Variants in CNTNAP2 observed in about 807,000 individuals in gnomAD.
CNTNAP2 encodes contactin-associated protein-like 2.
A neutral mutation model predicts 155.2 loss-of-function variants in CNTNAP2; 98 were observed. The ratio of observed to expected loss-of-function variants is 0.63; its 90% CI spans 0.54 to 0.75. The LOEUF is 0.75. CNTNAP2 is among the 30% of genes least tolerant of loss of function. The pLI is 0.00. For synonymous variants in CNTNAP2, 651 were observed against 631.2 expected (o/e 1.03, Z -0.47); for missense variants, 1,727 against 1,688.1 (o/e 1.02, Z -0.40).
intron 16 of CNTNAP2, among the ~76,000 whole-genome samples, chr7:148,134,558 T>G (rs1040835756): frequency 1.5e-4 from 23 of 152,206 alleles, no homozygotes; most frequent in Non-Finnish European, 2.6e-4. Context: ...CTTCTCAAGT[T>G]TCTAAAAATA....
intron 3 of CNTNAP2, among the ~76,000 whole-genome samples, chr7:146,842,134 G>C (rs1803739855): frequency 6.6e-6 from 1 of 152,038 alleles, no homozygotes; most frequent in Non-Finnish European, 1.5e-5. Flanking sequence ...TGATCTACTT[G>C]CCTTGGCCTC....
intron 1 of CNTNAP2, among the ~76,000 whole-genome samples, chr7:146,404,080 C>A (rs1362066162): frequency 7.3e-5 from 10 of 137,794 alleles, no homozygotes; most frequent in South Asian, 4.4e-4. Context: ...AGCCGAGATC[C>A]CGCCACTGCA....
intron 3 of CNTNAP2, among the ~76,000 whole-genome samples, chr7:146,958,478 A>G (rs1255726621): frequency 7.2e-6 from 1 of 139,810 alleles, no homozygotes; most frequent in African/African-American, 2.7e-5. Flanking sequence ...CAGTGGCACA[A>G]TCTCAGCTCA....
chr7:146,363,806 T>C (rs1366416727), intron 1 of CNTNAP2, among the ~76,000 whole-genome samples: 1 of 152,056 alleles, frequency 6.6e-6, no homozygotes, highest in Non-Finnish European at 1.5e-5. Flanking sequence ...TTTGGTGTTG[T>C]GATAAAAGAG....
At chr7:146,130,902 C>T (rs1296618132) in intron 1 of CNTNAP2, among the ~76,000 whole-genome samples, 1 of 152,144 alleles carries the variant, frequency 6.6e-6, no homozygotes, top group Non-Finnish European at 1.5e-5. Context: ...TGAGAATTCA[C>T]TCACTATCAT....
intron 1 of CNTNAP2, among the ~76,000 whole-genome samples, chr7:146,552,960 C>T (rs1798143785): frequency 6.6e-6 from 1 of 152,076 alleles, no homozygotes; most frequent in Non-Finnish European, 1.5e-5. Context: ...TAAAATTTTA[C>T]CCCTTCTCTC....
chr7:146,682,076 A>C (rs544278175), intron 1 of CNTNAP2, among the ~76,000 whole-genome samples: 1 of 152,276 alleles, frequency 6.6e-6, no homozygotes, highest in South Asian at 2.1e-4. Context: ...ACCATTGCTC[A>C]CTGTAGAACA....
At chr7:146,630,480 A>G (rs1799493060) in intron 1 of CNTNAP2, among the ~76,000 whole-genome samples, 1 of 152,070 alleles carries the variant, frequency 6.6e-6, no homozygotes, top group Non-Finnish European at 1.5e-5. Flanking sequence ...ATGATTTATA[A>G]TCCTTTGGGT....
chr7:146,447,306 C>G (rs1370071474), intron 1 of CNTNAP2, among the ~76,000 whole-genome samples: 1 of 152,008 alleles, frequency 6.6e-6, no homozygotes, highest in Non-Finnish European at 1.5e-5. Flanking sequence ...TTTATTGTCT[C>G]AATAACTAGC....
chr7:148,092,265 G>A (rs1009712410), intron 15 of CNTNAP2, among the ~76,000 whole-genome samples: 2 of 152,126 alleles, frequency 1.3e-5, no homozygotes, highest in African/African-American at 4.8e-5. Context: ...TTGATGGGAG[G>A]GGAAAGTCCT....
rs573837233 is a variant in CNTNAP2 at position 146,646,657 on chromosome 7, G to A, written c.98-127614G>A. Among the ~76,000 whole-genome samples, 3 of 152,206 alleles carry A rather than the reference G, an allele frequency of 2.0e-5. No individual in the cohort carries two copies. In the East Asian group the frequency reaches 5.8e-4, roughly 29 times the overall value. On this transcript the variant is annotated intron_variant, in intron 1 of 23. Coordinates refer to ENST00000361727, the MANE Select transcript of CNTNAP2 (RefSeq NM_014141.6). ...ATTTTCTGGCATAAATAATGTTTCA[G>A]TTTCTGATTAAAACCATTCTTGTTA...
At chr7:147,419,163 G>C (rs985871216) in intron 10 of CNTNAP2, among the ~76,000 whole-genome samples, 1 of 152,162 alleles carries the variant, frequency 6.6e-6, no homozygotes, top group African/African-American at 2.4e-5. Flanking sequence ...TGAAGTGTAC[G>C]GTTTCAGAGT....
At chr7:147,972,639 G>T (rs570365047) in intron 14 of CNTNAP2, among the ~76,000 whole-genome samples, 2 of 152,164 alleles carry the variant, frequency 1.3e-5, no homozygotes, top group African/African-American at 4.8e-5. Context: ...GATGGAAATA[G>T]CATGTAAGAG....
intron 8 of CNTNAP2, among the ~76,000 whole-genome samples, chr7:147,176,720 ATATTATATATAATAGAATTATAATT>A (rs1347086399): frequency 2.1e-5 from 2 of 96,640 alleles, no homozygotes; most frequent in African/African-American, 3.3e-5. Flanking sequence ...ATAGAATTAT[ATATTATATATAATAGAATTATAATT>A]ATAATATATA....
At chr7:147,422,210 AAT>A (rs1011384262) in intron 10 of CNTNAP2, among the ~76,000 whole-genome samples, 1 of 145,248 alleles carries the variant, frequency 6.9e-6, no homozygotes, top group Non-Finnish European at 1.5e-5. Context: ...ATATATACAC[AAT>A]ATATATACTG....
intron 1 of CNTNAP2, among the ~76,000 whole-genome samples, chr7:146,248,457 C>T (rs1799700203): frequency 1.3e-5 from 2 of 152,136 alleles, no homozygotes; most frequent in Admixed American, 1.3e-4. Flanking sequence ...AATGATTAAA[C>T]ACCAGGGGAA....
chr7:147,114,492 T>A, intron 5 of CNTNAP2, among the ~76,000 whole-genome samples: 1 of 152,198 alleles, frequency 6.6e-6, no homozygotes, highest in East Asian at 1.9e-4. Flanking sequence ...ATCTGGGTGC[T>A]CCTGTACTGG....
chr7:147,276,154 C>T (rs905626617), intron 8 of CNTNAP2, among the ~76,000 whole-genome samples: 4 of 151,580 alleles, frequency 2.6e-5, no homozygotes, highest in Non-Finnish European at 4.4e-5. Context: ...TTGTTGTGCC[C>T]TTGCCTGGTT....
intron 11 of CNTNAP2, among the ~76,000 whole-genome samples, chr7:147,527,511 T>G (rs2116718662): frequency 6.6e-6 from 1 of 152,362 alleles, no homozygotes; most frequent in East Asian, 1.9e-4. Context: ...GTATACATAC[T>G]GTATGAAAGT....
Sources: allele counts gnomAD v4.1 joint callset (sites outside exome capture counted in the v4.1 genomes callset), GRCh38; gene constraint gnomAD v4.1.1; transcripts MANE v1.5; gene names NCBI Gene and HGNC (gene_info 2026-07-23, HGNC 2026-07-21).